AUTS2: variants seen among roughly 807,000 people sequenced by gnomAD.
AUTS2 encodes the protein autism susceptibility gene 2 protein.
Under a neutral mutation model 112.4 loss-of-function variants are expected in AUTS2, and 17 were observed. The observed-to-expected ratio is 0.15, with a 90% CI of 0.10 to 0.23. The LOEUF (loss-of-function observed/expected upper bound fraction) is 0.23, where lower values mean the gene tolerates loss of function less well. Among genes scored for constraint, AUTS2 ranks in the 10% least tolerant of loss-of-function variants. The pLI, the probability that AUTS2 is intolerant of heterozygous loss-of-function variation, is 1.00. For synonymous variants in AUTS2, 751 were observed against 702.7 expected, an observed-to-expected ratio of 1.07 and a Z score of -1.09; for missense variants, 1,510 against 1,701.6, an observed-to-expected ratio of 0.89 and a Z score of 1.98.
intron 1 of AUTS2, among the ~76,000 whole-genome samples, chr7:69,687,388 A>G (rs1797108491): frequency 6.6e-6 from 1 of 152,212 alleles, no homozygotes; most frequent in South Asian, 2.1e-4. Context: ...GGCACTTTGC[A>G]TAATTGTATA....
intron 5 of AUTS2, among the ~76,000 whole-genome samples, chr7:70,509,970 G>A (rs1042866870): frequency 2.0e-5 from 3 of 152,216 alleles, no homozygotes; most frequent in East Asian, 3.9e-4. Flanking sequence ...CACTTAAGTC[G>A]TTCCCAGTGC....
At chr7:70,399,051 A>G (rs1489833066) in intron 4 of AUTS2, among the ~76,000 whole-genome samples, 1 of 147,206 alleles carries the variant, frequency 6.8e-6, no homozygotes, top group Admixed American at 6.9e-5. Flanking sequence ...CAGTGGTGCG[A>G]TCATAGCTCA....
chr7:70,531,277 A>G (rs1800076480), intron 5 of AUTS2, among the ~76,000 whole-genome samples: 2 of 152,222 alleles, frequency 1.3e-5, no homozygotes, highest in Admixed American at 1.3e-4. Flanking sequence ...TTGTAACAAA[A>G]GTATTTGGAA....
intron 1 of AUTS2, among the ~76,000 whole-genome samples, chr7:69,636,930 T>A (rs1794572110): frequency 6.6e-6 from 1 of 152,050 alleles, no homozygotes; most frequent in Non-Finnish European, 1.5e-5. Context: ...CACGTCCGGC[T>A]AATTTTTTGT....
intron 4 of AUTS2, among the ~76,000 whole-genome samples, chr7:70,273,017 G>A (rs1414071978): frequency 2.0e-5 from 3 of 152,044 alleles, no homozygotes; most frequent in Non-Finnish European, 4.4e-5. Context: ...CCTCAGAGGG[G>A]AATTCTAAGT....
At chr7:70,731,065 C>A (rs1209996327) in intron 6 of AUTS2, among the ~76,000 whole-genome samples, 1 of 152,120 alleles carries the variant, frequency 6.6e-6, no homozygotes, top group East Asian at 1.9e-4. Context: ...TCTACCCCAC[C>A]CATTTGCCCA....
chr7:70,581,972 T>G (rs895308143), intron 5 of AUTS2, among the ~76,000 whole-genome samples: 8 of 152,140 alleles, frequency 5.3e-5, no homozygotes, highest in African/African-American at 1.7e-4. Context: ...TTGTTTCATT[T>G]TGTTTTGTTT....
chr7:69,862,091 G>A (rs1793012359), intron 1 of AUTS2, among the ~76,000 whole-genome samples: 1 of 152,178 alleles, frequency 6.6e-6, no homozygotes, highest in Admixed American at 6.5e-5. Context: ...GGACACTCTA[G>A]TTTCTTAACT....
intron 2 of AUTS2, among the ~76,000 whole-genome samples, chr7:69,912,380 A>T (rs1477556241): frequency 6.6e-6 from 1 of 152,002 alleles, no homozygotes; most frequent in Non-Finnish European, 1.5e-5. Flanking sequence ...CTCTCTGCCA[A>T]CTCAGTGGAG....
chr7:70,178,652 T>A (rs1345114366), intron 4 of AUTS2, among the ~76,000 whole-genome samples: 2 of 151,970 alleles, frequency 1.3e-5, no homozygotes, highest in Non-Finnish European at 2.9e-5. Flanking sequence ...ATACAAAAAT[T>A]AGCTGGGCGT....
At chr7:69,688,788 C>G (rs1043075951) in intron 1 of AUTS2, among the ~76,000 whole-genome samples, 1 of 152,124 alleles carries the variant, frequency 6.6e-6, no homozygotes, top group Admixed American at 6.6e-5. Context: ...TCCCCACACC[C>G]CCTTGTTTAT....
chr7:70,354,099 T>C (rs773053859), intron 4 of AUTS2, among the ~76,000 whole-genome samples: 72 of 152,244 alleles, frequency 4.7e-4, no homozygotes, highest in Non-Finnish European at 9.3e-4. Flanking sequence ...TCTGGCAACA[T>C]GGATCTTTCT....
At chr7:69,869,238 A>G (rs557162998) in intron 1 of AUTS2, among the ~76,000 whole-genome samples, 2 of 152,252 alleles carry the variant, frequency 1.3e-5, no homozygotes, top group East Asian at 1.9e-4. Context: ...TTGAGCACCT[A>G]TAATGTGCAT....
At chr7:70,710,250 C>T (rs1344823163) in intron 6 of AUTS2, among the ~76,000 whole-genome samples, 1 of 151,286 alleles carries the variant, frequency 6.6e-6, no homozygotes, top group African/African-American at 2.4e-5. Context: ...GGGGCAGGGG[C>T]GAGATACCAG....
At chr7:70,077,758 G>T (rs1367589482) in intron 2 of AUTS2, among the ~76,000 whole-genome samples, 1 of 152,112 alleles carries the variant, frequency 6.6e-6, no homozygotes, top group Non-Finnish European at 1.5e-5. Flanking sequence ...AAGCCATCAG[G>T]CTGCACTCTC....
intron 1 of AUTS2, among the ~76,000 whole-genome samples, chr7:69,850,014 G>T (rs935778879): frequency 3.3e-5 from 5 of 152,046 alleles, no homozygotes; most frequent in African/African-American, 1.2e-4. Flanking sequence ...GTCAGACTTG[G>T]CTGGGCGCGG....
chr7:70,530,425 T>G (rs1047825741), intron 5 of AUTS2, among the ~76,000 whole-genome samples: 1 of 152,188 alleles, frequency 6.6e-6, no homozygotes, highest in African/African-American at 2.4e-5. Flanking sequence ...AGCATGGGTC[T>G]CTGGGGAGCG....
intron 2 of AUTS2, among the ~76,000 whole-genome samples, chr7:70,028,674 C>T (rs529420773): frequency 6.6e-6 from 1 of 152,276 alleles, no homozygotes; most frequent in South Asian, 2.1e-4. Context: ...TTAGCCCTCA[C>T]ATCTCTTCAA....
intron 2 of AUTS2, among the ~76,000 whole-genome samples, chr7:69,953,902 C>T (rs1467760525): frequency 6.6e-6 from 1 of 152,036 alleles, no homozygotes; most frequent in Non-Finnish European, 1.5e-5. Flanking sequence ...CTGGCCTTCC[C>T]CTGCATCTGT....
Sources: gnomAD v4.1 joint callset for allele counts (sites outside exome capture counted in the v4.1 genomes callset) on GRCh38, gnomAD v4.1.1 for gene constraint, MANE v1.5 for transcripts, NCBI Gene and HGNC (gene_info 2026-07-23, HGNC 2026-07-21) for gene names.